HBS1L: variants seen among roughly 807,000 people sequenced by gnomAD.
HBS1L encodes HBS1 like translational GTPase, also known as HBS1-like protein.
HBS1L carries 55 observed loss-of-function variants against 88.9 expected under a neutral mutation model. The observed-to-expected ratio is 0.62, with a 90% CI of 0.50 to 0.77. The LOEUF is 0.77. Ranked by LOEUF, HBS1L falls within the 30% of genes least tolerant of loss-of-function variation. The pLI, the probability that HBS1L is intolerant of heterozygous loss-of-function variation, is 0.00. For missense variants in HBS1L, 741 were observed against 829.3 expected (o/e 0.89, Z 1.31); for synonymous variants, 267 against 288.5 (o/e 0.93, Z 0.76).
chr6:135,019,554 A>G (rs1385756150), intron 4 of HBS1L, among the ~76,000 whole-genome samples: 1 of 151,930 alleles, frequency 6.6e-6, no homozygotes, highest in Admixed American at 6.6e-5. Flanking sequence ...GAATACACAT[A>G]CACAGGCCTT....
intron 5 of HBS1L, among the ~76,000 whole-genome samples, chr6:134,999,773 T>C (rs1391756393): frequency 6.6e-6 from 1 of 152,136 alleles, no homozygotes. Context: ...TTAGGTAAAC[T>C]GTAAATTAAT....
chr6:135,042,588 C>T (rs563411265), intron 2 of HBS1L, among the ~76,000 whole-genome samples: 14 of 152,150 alleles, frequency 9.2e-5, no homozygotes, highest in Non-Finnish European at 1.8e-4. Context: ...GCGGGTAGAT[C>T]ACCTGAGGTC....
chr6:135,052,596 A>G (rs917083461), intron 1 of HBS1L, among the ~76,000 whole-genome samples: 10 of 152,040 alleles, frequency 6.6e-5, no homozygotes, highest in Non-Finnish European at 1.2e-4. Context: ...AAAAAAAAAA[A>G]AAAGAAAAAA....
chr6:135,029,347 A>ACATG (rs147347424), intron 4 of HBS1L, among the ~76,000 whole-genome samples: 1 of 151,334 alleles, frequency 6.6e-6, no homozygotes, highest in Non-Finnish European at 1.5e-5. Flanking sequence ...ATAAATATGC[A>ACATG]TATGTGGATC....
intron 1 of HBS1L, among the ~76,000 whole-genome samples, chr6:135,053,315 T>G (rs2327581): frequency 0.037 from 5,572 of 152,290 alleles, 352 homozygotes; most frequent in African/African-American, 0.13. Context: ...TCGTATAATC[T>G]TCTCCTTTTA....
intron 15 of HBS1L, among the ~76,000 whole-genome samples, chr6:134,970,999 A>T (rs953710596): frequency 6.6e-6 from 1 of 152,122 alleles, no homozygotes; most frequent in African/African-American, 2.4e-5. Flanking sequence ...CTACTCTGGA[A>T]TTTCCTAGCC....
At chr6:135,019,718 A>G (rs1776019447) in intron 4 of HBS1L, among the ~76,000 whole-genome samples, 2 of 151,920 alleles carry the variant, frequency 1.3e-5, no homozygotes, top group Admixed American at 1.3e-4. Context: ...AAAGACATAC[A>G]ATAAGATCAT....
At chr6:134,981,809 T>A (rs1314510044) in intron 13 of HBS1L, among the ~76,000 whole-genome samples, 1 of 151,856 alleles carries the variant, frequency 6.6e-6, no homozygotes, top group Non-Finnish European at 1.5e-5. Flanking sequence ...ACATATAACA[T>A]GTATACATAT....
At chr6:134,988,069 A>G (rs188741214) in intron 8 of HBS1L, among the ~76,000 whole-genome samples, 157 of 152,316 alleles carry the variant, frequency 1.0e-3, no homozygotes, top group Non-Finnish European at 1.4e-3. Context: ...AAATTAAAAC[A>G]TAAACAAACA....
intron 4 of HBS1L, among the ~76,000 whole-genome samples, chr6:135,035,386 G>A (rs1776504057): frequency 6.7e-6 from 1 of 150,096 alleles, no homozygotes; most frequent in Non-Finnish European, 1.5e-5. Flanking sequence ...GGAGGCGGAG[G>A]CTGCAGTGAG....
intron 8 of HBS1L, among the ~76,000 whole-genome samples, chr6:134,992,468 A>G (rs1207131507): frequency 6.6e-6 from 1 of 152,222 alleles, no homozygotes; most frequent in Non-Finnish European, 1.5e-5. Flanking sequence ...AGCATATGCA[A>G]TTATGTATAG....
intron 4 of HBS1L, among the ~76,000 whole-genome samples, chr6:135,009,350 G>T (rs1397060411): frequency 6.6e-6 from 1 of 152,160 alleles, no homozygotes; most frequent in Non-Finnish European, 1.5e-5. Context: ...ATAAGCAAGA[G>T]AAATTCAAAA....
At chr6:135,042,165 C>T in intron 2 of HBS1L, 39 bp from the exon 3 acceptor site, 1 of 1,535,012 alleles carries the variant, frequency 6.5e-7, no homozygotes, top group South Asian at 1.2e-5. Context: ...ATGGTATAGC[C>T]ATTTCCTATT....
At chr6:135,006,858 T>C (rs896487381) in intron 4 of HBS1L, among the ~76,000 whole-genome samples, 1 of 151,950 alleles carries the variant, frequency 6.6e-6, no homozygotes, top group Non-Finnish European at 1.5e-5. Flanking sequence ...TCCTGACTGA[T>C]TACAACAAGG....
At chr6:134,985,305 G>T in intron 12 of HBS1L, 36 bp downstream of exon 12, 2 of 1,382,864 alleles carry the variant, frequency 1.4e-6, no homozygotes, top group Non-Finnish European at 2.0e-6. Context: ...GGGAAAAGGG[G>T]CTATACTGAA....
chr6:134,997,124 G>T (rs1183612309), intron 6 of HBS1L, among the ~76,000 whole-genome samples, 182 bp from the exon 7 acceptor site: 1 of 151,956 alleles, frequency 6.6e-6, no homozygotes, highest in African/African-American at 2.4e-5. Flanking sequence ...CAGACGGGGG[G>T]AATTTCTCAG....
At position 134,993,865 on chromosome 6, in the gene HBS1L, TG is replaced by T; in HGVS notation, c.975del (p.Met326TrpfsTer5). On this transcript the variant is annotated frameshift_variant, in exon 8 of 18. Coordinates refer to ENST00000367837, the MANE Select transcript of HBS1L (RefSeq NM_006620.4). LOFTEE classifies it high-confidence loss of function. ...ETGEERERGV[T>X]MDVGMTKFET... ...TCAAACTTTGTCATACCAACATCCA[TG>T]GTTACTCCCCTTAAACAAAACATAA... 2 of 1,566,072 alleles carry T rather than the reference TG, an allele frequency of 1.3e-6. No individual in the cohort carries two copies. The highest frequency in any genetic ancestry group is 1.8e-6 in the Non-Finnish European group (2 of 1,139,366).
chr6:135,054,780 G>A lies in HBS1L; in HGVS notation c.-89C>T, dbSNP rs771217775. ...GATAAGGCGCCAACTGCAGCCTGGA[G>A]AACCCCTATGCGCCATCTTGGCTTC... is the stretch of plus-strand genomic sequence containing the variant. On this transcript the variant is annotated 5_prime_UTR_variant, in exon 1 of 18. Transcript: ENST00000367837. 3.3e-6 allele frequency: 5 copies of A among 1,492,564 alleles called. No individual in the cohort carries two copies. Among genetic ancestry groups the A allele is most frequent in the Non-Finnish European group, 4.6e-6 (5 of 1,083,358 alleles). 92.5% of individuals were successfully genotyped at this position (1,492,564 alleles called of 1,614,324 possible).
At chr6:135,052,563 C>T (rs1268478608) in intron 1 of HBS1L, among the ~76,000 whole-genome samples, 1 of 140,930 alleles carries the variant, frequency 7.1e-6, no homozygotes, top group Non-Finnish European at 1.5e-5. Flanking sequence ...GGCCAACCAA[C>T]AAAGTGCGAT....
Sources: allele counts gnomAD v4.1 joint callset (sites outside exome capture counted in the v4.1 genomes callset), GRCh38; gene constraint gnomAD v4.1.1; transcripts MANE v1.5; gene names NCBI Gene and HGNC (gene_info 2026-07-23, HGNC 2026-07-21).